GPT2: variants seen among roughly 807,000 people sequenced by gnomAD.
GPT2 encodes the protein glutamic--pyruvic transaminase 2.
A neutral mutation model predicts 56.9 loss-of-function variants in GPT2; 30 were observed. The observed-to-expected ratio is 0.53, with a 90% CI of 0.39 to 0.72. GPT2 has a LOEUF of 0.72. Among genes scored for constraint, GPT2 ranks in the 30% least tolerant of loss-of-function variants. The probability of loss-of-function intolerance (pLI) is 0.00; values close to 1 mark genes in which losing one functional copy is unlikely to be tolerated. For missense variants in GPT2, 542 were observed against 703.4 expected, an observed-to-expected ratio of 0.77 and a Z score of 2.60; for synonymous variants, 271 against 283.1, an observed-to-expected ratio of 0.96 and a Z score of 0.43.
intron 4 of GPT2, among the ~76,000 whole-genome samples, chr16:46,902,525 A>G (rs1479669039): frequency 1.3e-5 from 2 of 152,154 alleles, no homozygotes; most frequent in Admixed American, 1.3e-4. Flanking sequence ...TTCTGCCCAC[A>G]GGAGTAAAAA....
At chr16:46,891,975 T>G (rs964725464) in intron 2 of GPT2, among the ~76,000 whole-genome samples, 50 of 151,584 alleles carry the variant, frequency 3.3e-4, no homozygotes, top group African/African-American at 1.2e-3. Context: ...ACGAGTTCAG[T>G]TTTTAAAATT....
intron 10 of GPT2, among the ~76,000 whole-genome samples, chr16:46,926,376 G>C (rs1178338766): frequency 6.6e-6 from 1 of 152,052 alleles, no homozygotes; most frequent in Non-Finnish European, 1.5e-5. Context: ...TTGAACCCAG[G>C]AGGCGGAAGT....
At chr16:46,921,652 G>A (rs1961290591) in intron 8 of GPT2, among the ~76,000 whole-genome samples, 1 of 152,084 alleles carries the variant, frequency 6.6e-6, no homozygotes, top group African/African-American at 2.4e-5. Flanking sequence ...GATTTGGTCT[G>A]GAAAGATTTT....
intron 4 of GPT2, among the ~76,000 whole-genome samples, chr16:46,902,104 T>A (rs1480258612): frequency 1.3e-5 from 2 of 152,164 alleles, no homozygotes; most frequent in East Asian, 3.9e-4. Flanking sequence ...GGGGACCAGG[T>A]ACGGATTTTT....
chr16:46,913,683 A>G (rs552274695), intron 6 of GPT2, among the ~76,000 whole-genome samples: 18 of 152,332 alleles, frequency 1.2e-4, no homozygotes, highest in African/African-American at 3.1e-4. Context: ...ATATTTTTCC[A>G]TAGACCAGAA....
chr16:46,893,499 G>A (rs1403856443), intron 2 of GPT2, among the ~76,000 whole-genome samples: 1 of 152,234 alleles, frequency 6.6e-6, no homozygotes, highest in Non-Finnish European at 1.5e-5. Context: ...TGCGGAGGCT[G>A]ACGGTGTTCC....
chr16:46,899,021 ATATATATATATATATTT>A (rs1349816907), intron 3 of GPT2, among the ~76,000 whole-genome samples: 13 of 21,650 alleles, frequency 6.0e-4, no homozygotes, highest in African/African-American at 2.7e-3. Context: ...ATATATATAT[ATATATATATATATATTT>A]TTTTTTTTTT....
chr16:46,909,638 G>A, intron 5 of GPT2, 46 bp from the exon 6 acceptor site: 1 of 1,594,670 alleles, frequency 6.3e-7, no homozygotes, highest in Non-Finnish European at 8.6e-7. Context: ...CTAGGTCAGG[G>A]ATGGGAAGTA....
chr16:46,913,430 T>C (rs1258293018), intron 6 of GPT2, among the ~76,000 whole-genome samples: 2 of 152,218 alleles, frequency 1.3e-5, no homozygotes, highest in Non-Finnish European at 2.9e-5. Flanking sequence ...AACCAGCCCT[T>C]CTCTGTCTGT....
intron 4 of GPT2, among the ~76,000 whole-genome samples, chr16:46,903,162 T>C (rs904924881): frequency 6.6e-6 from 1 of 151,368 alleles, no homozygotes; most frequent in Non-Finnish European, 1.5e-5. Context: ...GACAGGAGAA[T>C]TGCTTGAACC....
chr16:46,915,657 CCA>C (rs1049712790), intron 6 of GPT2: 21 of 147,684 alleles, frequency 1.4e-4, no homozygotes, highest in South Asian at 2.2e-4. Flanking sequence ...ACATTACACA[CCA>C]CACACAGACA....
At chr16:46,895,393 T>A (rs57616067) in intron 2 of GPT2, among the ~76,000 whole-genome samples, 2 of 152,054 alleles carry the variant, frequency 1.3e-5, no homozygotes, top group Non-Finnish European at 2.9e-5. Context: ...GGTGTGGTGA[T>A]GCTTATCTGT....
chr16:46,887,646 A>G (rs1365083542), intron 2 of GPT2, among the ~76,000 whole-genome samples: 2 of 151,384 alleles, frequency 1.3e-5, no homozygotes, highest in Non-Finnish European at 2.9e-5. Flanking sequence ...TGTCCATTCA[A>G]AACTGTCCTT....
At chr16:46,891,173 G>A (rs976178412) in intron 2 of GPT2, among the ~76,000 whole-genome samples, 2 of 151,794 alleles carry the variant, frequency 1.3e-5, no homozygotes, top group Non-Finnish European at 2.9e-5. Context: ...GTGCATGGCC[G>A]AAAAATACAG....
intron 4 of GPT2, among the ~76,000 whole-genome samples, chr16:46,906,056 G>A (rs1960918394): frequency 6.6e-6 from 1 of 152,112 alleles, no homozygotes; most frequent in Non-Finnish European, 1.5e-5. Flanking sequence ...CTGGCCAGTG[G>A]TGCTAATGTG....
At chr16:46,898,700 C>T (rs1300772542) in intron 3 of GPT2, among the ~76,000 whole-genome samples, 1 of 151,628 alleles carries the variant, frequency 6.6e-6, no homozygotes, top group East Asian at 1.9e-4. Flanking sequence ...CAGGCATGCA[C>T]CACCACGCCT....
intron 6 of GPT2, among the ~76,000 whole-genome samples, chr16:46,911,707 T>C (rs2143485961): frequency 6.6e-6 from 1 of 152,272 alleles, no homozygotes; most frequent in East Asian, 1.9e-4. Flanking sequence ...TTGGATGTAA[T>C]TGGGCCGGGG....
intron 2 of GPT2, among the ~76,000 whole-genome samples, chr16:46,889,727 T>C (rs1019138472): frequency 6.6e-6 from 1 of 152,228 alleles, no homozygotes; most frequent in African/African-American, 2.4e-5. Context: ...GACCAGTTTA[T>C]TTCTCTGAAA....
At position 46,890,948 on chromosome 16, in the gene GPT2, A is replaced by T. The variant is rs192986544; in HGVS notation, c.243+5990A>T. On this transcript the variant is annotated intron_variant, in intron 2 of 11. Coordinates refer to ENST00000340124, the MANE Select transcript of GPT2 (RefSeq NM_133443.4). The stretch of plus-strand genomic sequence containing the variant: ...GAGTGCAATGGTGTGATCTCGGCTC[A>T]CCCCAACCTCTGCTTCCCGGGTTCA... Among the ~76,000 whole-genome samples, 604 of 151,452 alleles carry T rather than the reference A, an allele frequency of 4.0e-3. 4 individuals carry two copies. Among genetic ancestry groups the T allele is most frequent in the African/African-American group, 0.014 (570 of 41,198 alleles).
Sources: gnomAD v4.1 joint callset for allele counts (sites outside exome capture counted in the v4.1 genomes callset) on GRCh38, gnomAD v4.1.1 for gene constraint, MANE v1.5 for transcripts, NCBI Gene and HGNC (gene_info 2026-07-23, HGNC 2026-07-21) for gene names.